The following CNTN1 variants were observed in gnomAD, a reference collection of about 807,000 sequenced individuals.
CNTN1 encodes the protein contactin-1.
A neutral mutation model predicts 126.4 loss-of-function variants in CNTN1; 38 were observed. That is an observed-to-expected ratio of 0.30 (90% CI 0.23 to 0.39). The LOEUF is 0.39. Among genes scored for constraint, CNTN1 ranks in the 10% least tolerant of loss-of-function variants. CNTN1 has a pLI of 1.00. For missense variants in CNTN1, 1,009 were observed against 1,248.4 expected, an observed-to-expected ratio of 0.81 and a Z score of 2.89; for synonymous variants, 413 against 422.6, an observed-to-expected ratio of 0.98 and a Z score of 0.28.
intron 1 of CNTN1, among the ~76,000 whole-genome samples, chr12:40,766,318 C>G (rs1346472972): frequency 6.8e-6 from 1 of 146,562 alleles, no homozygotes; most frequent in African/African-American, 2.5e-5. Flanking sequence ...GATCATGCCA[C>G]TGTACTCCAG....
intron 16 of CNTN1, among the ~76,000 whole-genome samples, chr12:40,985,206 G>T (rs1947928530): frequency 6.6e-6 from 1 of 151,764 alleles, no homozygotes; most frequent in Admixed American, 6.6e-5. Flanking sequence ...TCACTGCTTT[G>T]AATATGTCAT....
chr12:41,039,656 A>T (rs149096871), intron 23 of CNTN1, among the ~76,000 whole-genome samples: 1 of 152,140 alleles, frequency 6.6e-6, no homozygotes, highest in East Asian at 1.9e-4. Context: ...CAGATGACAT[A>T]AACTTGTCAG....
At chr12:40,907,025 T>G (rs1444591128) in intron 1 of CNTN1, among the ~76,000 whole-genome samples, 2 of 152,166 alleles carry the variant, frequency 1.3e-5, no homozygotes, top group Admixed American at 1.3e-4. Flanking sequence ...TGTCATGAGA[T>G]TTCAGTTATG....
chr12:40,759,187 A>C (rs1938735080), intron 1 of CNTN1, among the ~76,000 whole-genome samples: 1 of 152,136 alleles, frequency 6.6e-6, no homozygotes, highest in Non-Finnish European at 1.5e-5. Context: ...TACAGGCATG[A>C]GCCACTGTGC....
intron 1 of CNTN1, among the ~76,000 whole-genome samples, chr12:40,746,310 T>C (rs958923088): frequency 6.6e-6 from 1 of 152,150 alleles, no homozygotes; most frequent in African/African-American, 2.4e-5. Context: ...TGATTCTGTA[T>C]TTATTATTCA....
At chr12:40,910,151 G>T in intron 3 of CNTN1, 46 bp downstream of exon 3, 1 of 1,426,664 alleles carries the variant, frequency 7.0e-7, no homozygotes, top group Non-Finnish European at 9.9e-7. Flanking sequence ...TTTCTCTATT[G>T]AATCATATTT....
chr12:40,695,232 A>C (rs1941422554), intron 1 of CNTN1, among the ~76,000 whole-genome samples: 1 of 152,230 alleles, frequency 6.6e-6, no homozygotes. Flanking sequence ...CATCATCCTA[A>C]GAAGCTGGAT....
chr12:40,823,021 G>C (rs1041054852), intron 1 of CNTN1, among the ~76,000 whole-genome samples: 1 of 151,918 alleles, frequency 6.6e-6, no homozygotes, highest in Non-Finnish European at 1.5e-5. Context: ...AGTAGTCTTG[G>C]TATAATGATG....
intron 23 of CNTN1, among the ~76,000 whole-genome samples, chr12:41,032,378 A>AG (rs1949163062): frequency 2.1e-5 from 2 of 93,386 alleles, no homozygotes; most frequent in Non-Finnish European, 4.0e-5. Flanking sequence ...AAAAAAAAAA[A>AG]AAAAAGAAAA....
intron 1 of CNTN1, among the ~76,000 whole-genome samples, chr12:40,749,441 G>A (rs1938309720): frequency 1.3e-5 from 2 of 152,050 alleles, no homozygotes; most frequent in African/African-American, 2.4e-5. Context: ...TACTACTTGA[G>A]ACGTCTTTCA....
intron 1 of CNTN1, among the ~76,000 whole-genome samples, chr12:40,749,176 T>G (rs1938297150): frequency 6.6e-6 from 1 of 152,154 alleles, no homozygotes; most frequent in South Asian, 2.1e-4. Context: ...GAGACTGAGC[T>G]ATATAATACT....
In CNTN1 at chr12:40,839,220, T is replaced by C. The variant is rs73118739; in HGVS notation, c.-76-69137T>C. 6.2e-3 allele frequency among the ~76,000 whole-genome samples: 948 copies of C among 151,930 alleles called. 8 individuals carry two copies. The highest frequency in any genetic ancestry group is 0.021 in the African/African-American group (889 of 41,494). ...AGATAGGTCTTTTGAAATAATGCAG[T>C]CAGACAAAAATATAGAAAAAAAACT... On this transcript the variant is annotated intron_variant, in intron 1 of 23. Transcript: ENST00000551295.
intron 1 of CNTN1, among the ~76,000 whole-genome samples, chr12:40,806,320 C>T (rs896444390): frequency 6.6e-6 from 1 of 152,060 alleles, no homozygotes; most frequent in Non-Finnish European, 1.5e-5. Context: ...TTTGGTATTG[C>T]TATAGAAGCC....
intron 7 of CNTN1, among the ~76,000 whole-genome samples, chr12:40,931,342 T>C (rs1310374793): frequency 2.6e-5 from 4 of 152,088 alleles, no homozygotes; most frequent in East Asian, 1.9e-4. Flanking sequence ...CCCTTCTGCC[T>C]CTCTGACAAA....
chr12:40,819,533 C>G (rs986359918), intron 1 of CNTN1, among the ~76,000 whole-genome samples: 2 of 152,214 alleles, frequency 1.3e-5, no homozygotes, highest in Non-Finnish European at 2.9e-5. Flanking sequence ...TTCCTGGCTC[C>G]AGCAAGGGAA....
intron 16 of CNTN1, among the ~76,000 whole-genome samples, chr12:40,983,016 A>G (rs1415405237): frequency 1.3e-5 from 2 of 152,020 alleles, no homozygotes; most frequent in African/African-American, 4.8e-5. Context: ...GGTGCAGTAA[A>G]CCAACATGGC....
rs779368730 is a variant in CNTN1 at position 40,947,774 on chromosome 12, TATATATATACACACAC to T, written c.1683+3606_1683+3621del. Among the ~76,000 whole-genome samples the T allele has an allele frequency of 8.6e-3, 700 of 81,212 alleles. 17 individuals carry two copies. The highest frequency in any genetic ancestry group is 0.021 in the Middle Eastern group (4 of 188). The allele number at this position is 81,212 out of a possible 152,430, so 53.3% of individuals were successfully genotyped here. ...AGATTGTCACTATTTCATATATATA[TATATATATACACACAC>T]ACACACACACACACACACACACACA... On this transcript the variant is annotated intron_variant, in intron 14 of 23. Coordinates refer to ENST00000551295, the MANE Select transcript of CNTN1 (RefSeq NM_001843.4).
At chr12:40,854,908 G>T (rs1197189442) in intron 1 of CNTN1, among the ~76,000 whole-genome samples, 3 of 152,106 alleles carry the variant, frequency 2.0e-5, no homozygotes, top group African/African-American at 7.2e-5. Context: ...GGGCTGAAAA[G>T]TCCTGTAGTT....
intron 17 of CNTN1, among the ~76,000 whole-genome samples, chr12:41,010,306 G>T (rs1472377022): frequency 6.6e-6 from 1 of 152,170 alleles, no homozygotes; most frequent in Non-Finnish European, 1.5e-5. Context: ...ACTTCCAATG[G>T]TTCCTTCCAC....
Sources: gnomAD v4.1 joint callset for allele counts (sites outside exome capture counted in the v4.1 genomes callset) on GRCh38, gnomAD v4.1.1 for gene constraint, MANE v1.5 for transcripts, NCBI Gene and HGNC (gene_info 2026-07-23, HGNC 2026-07-21) for gene names.